Variants in SULF1 observed in about 807,000 individuals in gnomAD.
SULF1 encodes sulfatase 1.
In SULF1, 46 loss-of-function variants were observed where a neutral mutation model predicts 110.5. The observed-to-expected ratio is 0.42, with a 90% CI of 0.33 to 0.53. The LOEUF (loss-of-function observed/expected upper bound fraction) is 0.53. Among genes scored for constraint, SULF1 ranks in the 20% least tolerant of loss-of-function variants. SULF1 has a pLI of 0.12. For synonymous variants in SULF1, 371 were observed against 387.1 expected, an observed-to-expected ratio of 0.96 and a Z score of 0.49; for missense variants, 941 against 1,094.2, an observed-to-expected ratio of 0.86 and a Z score of 1.98.
intron 3 of SULF1, among the ~76,000 whole-genome samples, chr8:69,541,299 T>C (rs766427925): frequency 5.3e-5 from 8 of 152,180 alleles, no homozygotes; most frequent in Admixed American, 2.0e-4. Flanking sequence ...AGTCTTAACC[T>C]AGGCAAAGGC....
chr8:69,570,239 G>A (rs1219609855), intron 5 of SULF1, among the ~76,000 whole-genome samples: 1 of 152,162 alleles, frequency 6.6e-6, no homozygotes, highest in African/African-American at 2.4e-5. Flanking sequence ...TATCTCTCTA[G>A]GAAGCCAGGT....
chr8:69,487,579 C>T (rs142512305), intron 1 of SULF1, among the ~76,000 whole-genome samples: 2 of 152,306 alleles, frequency 1.3e-5, no homozygotes, highest in Non-Finnish European at 2.9e-5. Flanking sequence ...GAATTCCCCA[C>T]TCCTAAAATA....
At chr8:69,575,063 A>G (rs1326037016) in intron 5 of SULF1, among the ~76,000 whole-genome samples, 4 of 152,196 alleles carry the variant, frequency 2.6e-5, no homozygotes, top group Admixed American at 6.5e-5. Flanking sequence ...TTCAAATGCA[A>G]TGGGCTTGGC....
At chr8:69,644,617 T>G (rs527273194) in intron 22 of SULF1, among the ~76,000 whole-genome samples, 2 of 146,842 alleles carry the variant, frequency 1.4e-5, no homozygotes, top group African/African-American at 5.1e-5. Flanking sequence ...GTACTAAAAA[T>G]ACAAAAAAAA....
Position 69,589,260 on chromosome 8 carries a change from G to C in SULF1, c.734+119G>C, listed in dbSNP as rs1806697215. 1.2e-5 allele frequency: 13 copies of C among 1,055,686 alleles called. No individual in the cohort carries two copies. In the East Asian group the frequency reaches 3.2e-4, roughly 26 times the overall value. 65.4% of individuals were successfully genotyped at this position (1,055,686 alleles called of 1,614,324 possible). ...TGCGTATCCACAAGGCTTTCTTCAT[G>C]AAAGGATAACTTAAGAGCAGACCAC... On this transcript the variant is annotated intron_variant, in intron 8 of 22. Transcript: ENST00000402687.
At chr8:69,482,234 A>G (rs1809543888) in intron 1 of SULF1, among the ~76,000 whole-genome samples, 1 of 152,184 alleles carries the variant, frequency 6.6e-6, no homozygotes, top group Non-Finnish European at 1.5e-5. Context: ...CGGCTAGATA[A>G]TGGGCTCTCT....
At chr8:69,499,310 C>A (rs149618415) in intron 2 of SULF1, among the ~76,000 whole-genome samples, 1 of 152,100 alleles carries the variant, frequency 6.6e-6, no homozygotes, top group African/African-American at 2.4e-5. Context: ...TAAGGATAAA[C>A]GAAACCCATA....
At chr8:69,476,431 G>A (rs1809301546) in intron 1 of SULF1, among the ~76,000 whole-genome samples, 1 of 152,194 alleles carries the variant, frequency 6.6e-6, no homozygotes, top group Admixed American at 6.5e-5. Context: ...AGAAGTAGAA[G>A]ATTGTGTTTG....
At chr8:69,501,684 A>G (rs1766310787) in intron 2 of SULF1, among the ~76,000 whole-genome samples, 190 bp from the exon 3 acceptor site, 1 of 152,250 alleles carries the variant, frequency 6.6e-6, no homozygotes, top group Admixed American at 6.5e-5. Flanking sequence ...CTTCTACAAA[A>G]GGACCGAATC....
At chr8:69,638,244 T>C in intron 19 of SULF1, 1 of 447,690 alleles carries the variant, frequency 2.2e-6, no homozygotes, top group South Asian at 2.8e-5. Context: ...AAGGGGAGGA[T>C]AAACTAATGT....
intron 1 of SULF1, among the ~76,000 whole-genome samples, chr8:69,487,086 G>A (rs999139440): frequency 3.3e-5 from 5 of 152,188 alleles, no homozygotes. Flanking sequence ...AGTTCAAACT[G>A]ATTTTCACAA....
chr8:69,639,564 G>A (rs1239025351), intron 21 of SULF1, among the ~76,000 whole-genome samples: 1 of 152,192 alleles, frequency 6.6e-6, no homozygotes, highest in Non-Finnish European at 1.5e-5. Flanking sequence ...CTGCAGAAAT[G>A]TAAATACCAG....
intron 3 of SULF1, among the ~76,000 whole-genome samples, chr8:69,527,532 T>C (rs1001075425): frequency 6.6e-6 from 1 of 152,102 alleles, no homozygotes; most frequent in Non-Finnish European, 1.5e-5. Context: ...AGCGGGGGAT[T>C]CCTGGGCAGC....
chr8:69,557,951 G>A (rs1563528696), intron 3 of SULF1, among the ~76,000 whole-genome samples: 2 of 152,318 alleles, frequency 1.3e-5, no homozygotes, highest in South Asian at 2.1e-4. Flanking sequence ...ACACCAGGAG[G>A]GGATGATTGT....
intron 3 of SULF1, among the ~76,000 whole-genome samples, chr8:69,524,655 T>C (rs973239068): frequency 2.6e-5 from 4 of 152,206 alleles, no homozygotes; most frequent in Admixed American, 2.6e-4. Flanking sequence ...CACATTTGCA[T>C]TGAATATCCT....
chr8:69,519,010 A>G (rs1302257213), intron 3 of SULF1, among the ~76,000 whole-genome samples: 1 of 152,164 alleles, frequency 6.6e-6, no homozygotes, highest in Non-Finnish European at 1.5e-5. Context: ...TAGTCTAGAA[A>G]GTGTCTCTAG....
At chr8:69,532,501 T>C (rs1194611881) in intron 3 of SULF1, among the ~76,000 whole-genome samples, 4 of 152,170 alleles carry the variant, frequency 2.6e-5, no homozygotes, top group African/African-American at 9.7e-5. Flanking sequence ...CTGGTTTTAA[T>C]AACTGTTAGA....
intron 22 of SULF1, among the ~76,000 whole-genome samples, chr8:69,644,430 G>A (rs1257148086): frequency 6.6e-6 from 1 of 151,772 alleles, no homozygotes; most frequent in Non-Finnish European, 1.5e-5. Flanking sequence ...GAATTCCAAA[G>A]CGTGTTAGTA....
rs111378404 is a variant in SULF1, at chr8:69,505,181, A to G, written c.-134+3213A>G. Among the ~76,000 whole-genome samples the G allele has an allele frequency of 7.7e-3, 1,171 of 152,328 alleles. 20 individuals are homozygous for G. Among genetic ancestry groups the G allele is most frequent in the African/African-American group, 0.027 (1,114 of 41,580 alleles). ...CCAAGGAGAGATAGGTTGTATTCAC[A>G]TATGAGAAGACACCAAAAGGACAAT... On this transcript the variant is annotated intron_variant, in intron 3 of 22. Coordinates refer to ENST00000402687, the MANE Select transcript of SULF1 (RefSeq NM_001128205.2).
Sources: gnomAD v4.1 joint callset for allele counts (sites outside exome capture counted in the v4.1 genomes callset) on GRCh38, gnomAD v4.1.1 for gene constraint, MANE v1.5 for transcripts, NCBI Gene and HGNC (gene_info 2026-07-23, HGNC 2026-07-21) for gene names.